OCA2: variants seen among roughly 807,000 people sequenced by gnomAD.
OCA2 encodes the protein OCA2 melanosomal transmembrane protein, also known as P protein.
Under a neutral mutation model 100.2 loss-of-function variants are expected in OCA2, and 77 were observed. The ratio of observed to expected loss-of-function variants is 0.77; its 90% CI spans 0.64 to 0.93. The LOEUF (loss-of-function observed/expected upper bound fraction) is 0.93, where lower values mean the gene tolerates loss of function less well. OCA2 is among the 40% of genes least tolerant of loss of function. The probability of loss-of-function intolerance (pLI) is 0.00; values close to 1 mark genes in which losing one functional copy is unlikely to be tolerated. For synonymous variants in OCA2, 432 were observed against 439.2 expected (o/e 0.98, Z 0.21); for missense variants, 1,062 against 1,089.1 (o/e 0.98, Z 0.35).
chr15:27,835,846 G>A lies in OCA2; in HGVS notation c.2432+9113C>T, dbSNP rs148749376. Among the ~76,000 whole-genome samples, 133 of 152,282 alleles carry A rather than the reference G, an allele frequency of 8.7e-4. No individual in the cohort carries two copies. The East Asian group carries it at 0.014, about 16-fold the overall frequency. On this transcript the variant is annotated intron_variant, in intron 23 of 23. Coordinates refer to ENST00000354638, the MANE Select transcript of OCA2 (RefSeq NM_000275.3). ...CTCCCATTCTCCCCTAGTGGTCTGC[G>A]TGCCTCTCCCAGTACTGAGGTTGTG... is the stretch of plus-strand genomic sequence containing the variant.
intron 23 of OCA2, among the ~76,000 whole-genome samples, chr15:27,839,414 AC>A (rs1204638972): frequency 6.6e-6 from 1 of 152,214 alleles, no homozygotes; most frequent in Non-Finnish European, 1.5e-5. Flanking sequence ...AGAAAACAAT[AC>A]TTTTATTTTG....
At chr15:28,096,491 G>A (rs1156389536) in intron 1 of OCA2, among the ~76,000 whole-genome samples, 1 of 152,192 alleles carries the variant, frequency 6.6e-6, no homozygotes, top group Non-Finnish European at 1.5e-5. Flanking sequence ...GAAGCCCTGC[G>A]GCCAAGAAGG....
At position 27,851,373 on chromosome 15, in the gene OCA2, G is replaced by A. The variant is rs771835766; in HGVS notation, c.2338+9C>T. On this transcript the variant is annotated intron_variant, in intron 22 of 23. Transcript: ENST00000354638. Reference sequence around the variant, plus strand: ...CACCCCCACCCCCATGCAGTCAGCAGCCCCTTACCTCCCAGGCAAGCACCG... The same window carrying A: ...CACCCCCACCCCCATGCAGTCAGCAACCCCTTACCTCCCAGGCAAGCACCG... The A allele has an allele frequency of 3.7e-6, 6 of 1,612,210 alleles. No individual in the cohort carries two copies. In the South Asian group the frequency reaches 4.4e-5, roughly 12 times the overall value.
Position 27,951,703 on chromosome 15 carries a change from GTCAGTGTCTGGGAACAGGCTCTGAAACCT to G in OCA2, c.1951+52_1951+80del. On this transcript the variant is annotated intron_variant, in intron 18 of 23. Coordinates refer to ENST00000354638, the MANE Select transcript of OCA2 (RefSeq NM_000275.3). ...ACCAGCCCGGCTGCCTGTGGGCAAA[GTCAGTGTCTGGGAACAGGCTCTGAAACCT>G]TCCCATCCAGAATGTGACAAAGCCT... is the stretch of plus-strand genomic sequence containing the variant. 2.9e-6 allele frequency: 3 copies of G among 1,052,020 alleles called. No individual in the cohort carries two copies. In the South Asian group the frequency reaches 4.0e-5, roughly 14 times the overall value. 65.2% of individuals were successfully genotyped at this position (1,052,020 alleles called of 1,614,324 possible).
the OCA2 span, among the ~76,000 whole-genome samples, chr15:27,726,241 T>C: frequency 2.2e-3 from 327 of 152,056 alleles, no homozygotes; most frequent in Non-Finnish European, 3.8e-3. Context: ...GAGGTTGCAG[T>C]GAGCCAAGAT....
At chr15:27,814,943 G>T (rs1430317015) in intron 23 of OCA2, among the ~76,000 whole-genome samples, 4 of 121,738 alleles carry the variant, frequency 3.3e-5, no homozygotes, top group African/African-American at 1.2e-4. Context: ...TAGATAGATA[G>T]ATACAGAGAT....
At chr15:27,732,837 C>A in the OCA2 span, among the ~76,000 whole-genome samples, 68 of 152,246 alleles carry the variant, frequency 4.5e-4, 2 homozygotes, top group East Asian at 0.01. Flanking sequence ...TAATAACTTA[C>A]AAAAATAGGG....
At chr15:27,801,685 A>C (rs563792581) in intron 23 of OCA2, among the ~76,000 whole-genome samples, 2 of 152,178 alleles carry the variant, frequency 1.3e-5, no homozygotes, top group African/African-American at 4.8e-5. Context: ...AACTAAAAAA[A>C]TATATATTTT....
chr15:27,761,576 T>C (rs906722632), intron 23 of OCA2, among the ~76,000 whole-genome samples: 1 of 152,204 alleles, frequency 6.6e-6, no homozygotes, highest in Non-Finnish European at 1.5e-5. Context: ...CTAGGTTTAA[T>C]GCAATTCCTA....
intron 23 of OCA2, among the ~76,000 whole-genome samples, chr15:27,765,099 C>T (rs368630795): frequency 6.6e-6 from 1 of 152,092 alleles, no homozygotes; most frequent in Non-Finnish European, 1.5e-5. Context: ...TGTGAACTGT[C>T]AAGGTGCTGG....
At chr15:27,878,089 C>T (rs2036864347) in intron 19 of OCA2, among the ~76,000 whole-genome samples, 1 of 151,730 alleles carries the variant, frequency 6.6e-6, no homozygotes, top group African/African-American at 2.4e-5. Flanking sequence ...AGTTTTATTG[C>T]ATCAAGTGAA....
intron 22 of OCA2, 41 bp downstream of exon 22, chr15:27,851,341 G>A (rs1385599911): frequency 5.3e-6 from 8 of 1,510,920 alleles, no homozygotes; most frequent in Non-Finnish European, 7.3e-6. Context: ...ACCACAGTGT[G>A]GGCGTGCACC....
At chr15:27,770,858 C>CCATTCTTCCTTCCTCCCTCTT (rs1489459733) in intron 23 of OCA2, among the ~76,000 whole-genome samples, 4 of 98,770 alleles carry the variant, frequency 4.0e-5, no homozygotes, top group East Asian at 9.9e-4. Context: ...TCCTTCCTTT[C>CCATTCTTCCTTCCTCCCTCTT]TTCCTTCCTT....
chr15:27,775,290 C>T (rs934733773), intron 23 of OCA2, among the ~76,000 whole-genome samples: 1 of 152,152 alleles, frequency 6.6e-6, no homozygotes, highest in African/African-American at 2.4e-5. Flanking sequence ...CAGTGAAGCT[C>T]GTCCTCTGTC....
At chr15:27,763,031 T>A (rs1339181166) in intron 23 of OCA2, among the ~76,000 whole-genome samples, 2 of 152,216 alleles carry the variant, frequency 1.3e-5, no homozygotes, top group African/African-American at 4.8e-5. Context: ...CACTTTAGGA[T>A]GCCCTTTTTG....
chr15:28,024,764 A>G, intron 5 of OCA2, 81 bp downstream of exon 5: 1 of 1,423,338 alleles, frequency 7.0e-7, no homozygotes, highest in Non-Finnish European at 9.9e-7. Flanking sequence ...CCCACACCTC[A>G]GGTTCCCCCT....
At chr15:27,816,715 C>T (rs2034316117) in intron 23 of OCA2, among the ~76,000 whole-genome samples, 1 of 152,170 alleles carries the variant, frequency 6.6e-6, no homozygotes, top group Non-Finnish European at 1.5e-5. Context: ...ACTGAATTTT[C>T]CCTTGCCCAC....
chr15:27,908,620 G>A (rs1324688899), intron 19 of OCA2, among the ~76,000 whole-genome samples: 3 of 152,080 alleles, frequency 2.0e-5, no homozygotes, highest in African/African-American at 4.8e-5. Flanking sequence ...GGGAAAAGAC[G>A]AATGTGGAGT....
intron 18 of OCA2, among the ~76,000 whole-genome samples, chr15:27,932,261 G>T (rs1207524446): frequency 6.6e-6 from 1 of 152,198 alleles, no homozygotes; most frequent in East Asian, 1.9e-4. Context: ...CTGGAGGGTA[G>T]CTGAGGCACT....
Sources: allele counts gnomAD v4.1 joint callset (sites outside exome capture counted in the v4.1 genomes callset), GRCh38; gene constraint gnomAD v4.1.1; transcripts MANE v1.5; gene names NCBI Gene and HGNC (gene_info 2026-07-23, HGNC 2026-07-21).